The following HECW2 variants were observed in gnomAD, a reference collection of about 807,000 sequenced individuals.
HECW2 encodes HECT, C2 and WW domain containing E3 ubiquitin protein ligase 2.
In HECW2, 61 loss-of-function variants were observed where a neutral mutation model predicts 175.2. That is an observed-to-expected ratio of 0.35 (90% CI 0.28 to 0.43). HECW2 has a LOEUF of 0.43. Among genes scored for constraint, HECW2 ranks in the 20% least tolerant of loss-of-function variants. The pLI is 1.00. For synonymous variants in HECW2, 671 were observed against 731.0 expected, an observed-to-expected ratio of 0.92 and a Z score of 1.32; for missense variants, 1,524 against 2,000.5, an observed-to-expected ratio of 0.76 and a Z score of 4.54.
intron 8 of HECW2, 48 bp from the exon 9 acceptor site, chr2:196,319,952 T>C (rs1362636544): frequency 1.3e-6 from 2 of 1,514,758 alleles, no homozygotes. Context: ...AAATAATAAG[T>C]GAACGTTTTA....
At chr2:196,451,858 C>T (rs1176135104) in intron 1 of HECW2, among the ~76,000 whole-genome samples, 3 of 152,180 alleles carry the variant, frequency 2.0e-5, no homozygotes, top group Non-Finnish European at 4.4e-5. Context: ...GAGATCACAC[C>T]GCTGCACTCC....
At chr2:196,516,294 A>G (rs2125424766) in intron 1 of HECW2, among the ~76,000 whole-genome samples, 1 of 152,344 alleles carries the variant, frequency 6.6e-6, no homozygotes, top group East Asian at 1.9e-4. Flanking sequence ...TGTTCAAAGC[A>G]TATAAACAAA....
chr2:196,478,735 A>G (rs561717867), intron 1 of HECW2, among the ~76,000 whole-genome samples: 1 of 152,198 alleles, frequency 6.6e-6, no homozygotes, highest in African/African-American at 2.4e-5. Flanking sequence ...AAGGCCCTAG[A>G]AAGCTACCTT....
chr2:196,460,552 C>G (rs1696702969), intron 1 of HECW2, among the ~76,000 whole-genome samples: 1 of 147,060 alleles, frequency 6.8e-6, no homozygotes, highest in Admixed American at 6.9e-5. Flanking sequence ...CATATAATTT[C>G]TGTCTAATTT....
At chr2:196,369,294 CTGGTAGAAA>C (rs1389454743) in intron 2 of HECW2, among the ~76,000 whole-genome samples, 1 of 151,538 alleles carries the variant, frequency 6.6e-6, no homozygotes, top group Non-Finnish European at 1.5e-5. Flanking sequence ...TGTGGATTAC[CTGGTAGAAA>C]CTCTTTTTCT....
intron 10 of HECW2, chr2:196,317,020 G>C: frequency 2.3e-6 from 1 of 426,782 alleles, no homozygotes; most frequent in Non-Finnish European, 4.3e-6. Context: ...CAAAATATCT[G>C]GATCTACCTC....
At chr2:196,468,511 C>A (rs565854436) in intron 1 of HECW2, among the ~76,000 whole-genome samples, 1 of 152,102 alleles carries the variant, frequency 6.6e-6, no homozygotes, top group Non-Finnish European at 1.5e-5. Context: ...ACTTCTCAAG[C>A]GTGACTTGTT....
chr2:196,465,679 C>G lies in HECW2; in HGVS notation c.-35-32221G>C, dbSNP rs547310898. 2.0e-5 allele frequency among the ~76,000 whole-genome samples: 3 copies of G among 150,652 alleles called. No homozygotes were observed. In the East Asian group the frequency reaches 5.9e-4, roughly 29 times the overall value. ...TGCTTATATTAAGTTTAAATAAACT[C>G]ATGTTTCCTAACTGTGCCATGCAAA... On this transcript the variant is annotated intron_variant, in intron 1 of 28. Coordinates refer to ENST00000644978, the MANE Select transcript of HECW2 (RefSeq NM_001348768.2).
chr2:196,277,584 T>C lies in HECW2; in HGVS notation c.3135+944A>G, dbSNP rs972394692. 2.3e-4 allele frequency among the ~76,000 whole-genome samples: 35 copies of C among 152,122 alleles called. 2 individuals are homozygous for C. Among genetic ancestry groups the C allele is most frequent in the African/African-American group, 8.0e-4 (33 of 41,412 alleles). On this transcript the variant is annotated intron_variant, in intron 15 of 28. Transcript: ENST00000644978. ...ACAGTGTGGCGATTCCTCAGGGATC[T>C]AGAACTAGAAATACCATTTGACCCA... is the stretch of plus-strand genomic sequence containing the variant.
intron 1 of HECW2, among the ~76,000 whole-genome samples, chr2:196,521,420 T>C (rs1239571057): frequency 6.6e-6 from 1 of 151,934 alleles, no homozygotes; most frequent in African/African-American, 2.4e-5. Context: ...CAGAAACTTA[T>C]ATATGAATAT....
At chr2:196,507,568 C>T (rs1227766719) in intron 1 of HECW2, among the ~76,000 whole-genome samples, 1 of 152,160 alleles carries the variant, frequency 6.6e-6, no homozygotes, top group Non-Finnish European at 1.5e-5. Flanking sequence ...TTATCCAGTT[C>T]AAAATGTCAA....
At chr2:196,545,685 C>G (rs1193474896) in intron 1 of HECW2, among the ~76,000 whole-genome samples, 1 of 152,204 alleles carries the variant, frequency 6.6e-6, no homozygotes, top group Non-Finnish European at 1.5e-5. Flanking sequence ...TCCGTTCTGG[C>G]AGGACTGCAA....
intron 1 of HECW2, among the ~76,000 whole-genome samples, chr2:196,570,711 G>T (rs980165285): frequency 6.6e-6 from 1 of 152,168 alleles, no homozygotes; most frequent in Non-Finnish European, 1.5e-5. Context: ...TTTAAAAATA[G>T]AAATAAATTA....
chr2:196,280,455 A>G (rs552410359), intron 14 of HECW2, among the ~76,000 whole-genome samples: 1 of 152,328 alleles, frequency 6.6e-6, no homozygotes, highest in East Asian at 1.9e-4. Flanking sequence ...ACATTTTTAC[A>G]TCTTTATAAA....
intron 1 of HECW2, among the ~76,000 whole-genome samples, chr2:196,455,340 T>G (rs555756622): frequency 1.3e-5 from 2 of 152,194 alleles, no homozygotes; most frequent in Non-Finnish European, 2.9e-5. Flanking sequence ...CCCCTTTTAC[T>G]TAATTTTTAT....
At position 196,551,174 on chromosome 2, in the gene HECW2, G is replaced by T. The variant is rs542613421; in HGVS notation, c.-36+42334C>A. ...ACAGACCAGATAAATAGCTCCATAG[G>T]CTACATAAGTTTAGAAGAAGCCAAA... On this transcript the variant is annotated intron_variant, in intron 1 of 28. Coordinates refer to ENST00000644978, the MANE Select transcript of HECW2 (RefSeq NM_001348768.2). Among the ~76,000 whole-genome samples the T allele has an allele frequency of 3.3e-5, 5 of 152,204 alleles. No homozygotes were observed. In the South Asian group the frequency reaches 1.0e-3, roughly 32 times the overall value.
chr2:196,214,721 C>A (rs376443314), intron 28 of HECW2, among the ~76,000 whole-genome samples: 10 of 152,296 alleles, frequency 6.6e-5, no homozygotes, highest in African/African-American at 2.4e-4. Flanking sequence ...TTCTTTATCG[C>A]TCTCTCCATT....
chr2:196,497,621 T>G (rs1187432768), intron 1 of HECW2, among the ~76,000 whole-genome samples: 2 of 152,074 alleles, frequency 1.3e-5, no homozygotes, highest in Admixed American at 1.3e-4. Flanking sequence ...TCAGTCCCAT[T>G]CTCCCCACCA....
At chr2:196,458,639 G>A (rs969708223) in intron 1 of HECW2, among the ~76,000 whole-genome samples, 8 of 151,930 alleles carry the variant, frequency 5.3e-5, no homozygotes, top group South Asian at 2.1e-4. Context: ...AGCCCGAGGC[G>A]GGTGGATCAC....
Sources: gnomAD v4.1 joint callset for allele counts (sites outside exome capture counted in the v4.1 genomes callset) on GRCh38, gnomAD v4.1.1 for gene constraint, MANE v1.5 for transcripts, NCBI Gene and HGNC (gene_info 2026-07-23, HGNC 2026-07-21) for gene names.